The following SFMBT2 variants were observed in gnomAD, a reference collection of about 807,000 sequenced individuals.
SFMBT2 encodes the protein scm-like with four MBT domains protein 2.
In SFMBT2, 38 loss-of-function variants were observed where a neutral mutation model predicts 110.1. The observed-to-expected ratio is 0.35, with a 90% CI of 0.27 to 0.45. The LOEUF (loss-of-function observed/expected upper bound fraction) is 0.45. Among genes scored for constraint, SFMBT2 ranks in the 20% least tolerant of loss-of-function variants. The probability of loss-of-function intolerance (pLI) is 1.00; values close to 1 mark genes in which losing one functional copy is unlikely to be tolerated. For synonymous variants in SFMBT2, 425 were observed against 425.4 expected (o/e 1.00, Z 0.01); for missense variants, 1,011 against 1,094.9 (o/e 0.92, Z 1.08).
intron 4 of SFMBT2, among the ~76,000 whole-genome samples, chr10:7,343,441 T>C (rs536871873): frequency 5.9e-5 from 9 of 152,322 alleles, no homozygotes; most frequent in African/African-American, 2.2e-4. Context: ...TAGTTCTAAC[T>C]TAAGTGCTTT....
chr10:7,294,288 C>A lies in SFMBT2; in HGVS notation c.437-8334G>T, dbSNP rs529195905. Among the ~76,000 whole-genome samples the A allele has an allele frequency of 2.6e-5, 4 of 152,274 alleles. 1 individual carries two copies. In the South Asian group the frequency reaches 8.3e-4, roughly 32 times the overall value. On this transcript the variant is annotated intron_variant, in intron 4 of 20. Transcript: ENST00000397167. ...ATGGGATAAAAGGATGAGACGTAAA[C>A]CCTTGGTCCATGTACATCTCACCTT...
chr10:7,243,800 A>T, intron 8 of SFMBT2, 95 bp from the exon 9 acceptor site: 2 of 668,020 alleles, frequency 3.0e-6, no homozygotes, highest in Non-Finnish European at 5.1e-6. Context: ...AAGGCAATTA[A>T]TATAGTTCAT....
intron 7 of SFMBT2, among the ~76,000 whole-genome samples, chr10:7,251,965 C>T (rs535036755): frequency 6.6e-6 from 1 of 152,320 alleles, no homozygotes; most frequent in South Asian, 2.1e-4. Flanking sequence ...TTCTGGTCTA[C>T]CCGCCCTCTT....
chr10:7,291,471 T>G (rs1162110406), intron 4 of SFMBT2, among the ~76,000 whole-genome samples: 3 of 152,192 alleles, frequency 2.0e-5, no homozygotes, highest in Non-Finnish European at 2.9e-5. Flanking sequence ...CAAGATGACC[T>G]TTTCAAAACC....
At chr10:7,254,588 G>C (rs900276554) in intron 7 of SFMBT2, among the ~76,000 whole-genome samples, 1 of 152,134 alleles carries the variant, frequency 6.6e-6, no homozygotes, top group Non-Finnish European at 1.5e-5. Context: ...TTGGGAGGCT[G>C]AGACAGGCGG....
intron 4 of SFMBT2, among the ~76,000 whole-genome samples, chr10:7,317,348 C>T (rs751252190): frequency 6.6e-6 from 1 of 151,966 alleles, no homozygotes; most frequent in East Asian, 1.9e-4. Flanking sequence ...CAATTCCAAG[C>T]GAAGACATAT....
At chr10:7,335,141 G>C (rs1041983290) in intron 4 of SFMBT2, among the ~76,000 whole-genome samples, 8 of 152,080 alleles carry the variant, frequency 5.3e-5, no homozygotes, top group African/African-American at 1.9e-4. Context: ...CCCAGAGAAG[G>C]GGGTAAGGAC....
chr10:7,409,090 C>T (rs1448159691), intron 1 of SFMBT2, among the ~76,000 whole-genome samples: 1 of 146,836 alleles, frequency 6.8e-6, no homozygotes, highest in Non-Finnish European at 1.5e-5. Context: ...TCTGCCCCAC[C>T]CCACCACCAC....
intron 7 of SFMBT2, among the ~76,000 whole-genome samples, chr10:7,261,445 C>T (rs529708142): frequency 1.3e-5 from 2 of 152,302 alleles, no homozygotes; most frequent in Admixed American, 6.5e-5. Flanking sequence ...TCAGAATCTT[C>T]GGATGCTCAG....
chr10:7,186,647 A>G (rs189069397), intron 16 of SFMBT2, among the ~76,000 whole-genome samples: 57 of 152,148 alleles, frequency 3.7e-4, no homozygotes, highest in African/African-American at 1.4e-3. Context: ...CTCCTCTTGT[A>G]CGTTAATTTA....
chr10:7,200,267 T>C (rs1838909290), intron 14 of SFMBT2, 147 bp downstream of exon 14: 1 of 524,874 alleles, frequency 1.9e-6, no homozygotes. Flanking sequence ...TTTTAAAAAG[T>C]AGGTATCCGT....
intron 4 of SFMBT2, among the ~76,000 whole-genome samples, chr10:7,320,949 G>A (rs112018683): frequency 3.9e-5 from 6 of 152,060 alleles, no homozygotes; most frequent in Non-Finnish European, 7.4e-5. Context: ...TAAATAAATC[G>A]TCTAAAAAAA....
intron 4 of SFMBT2, among the ~76,000 whole-genome samples, chr10:7,316,760 A>T (rs1843025344): frequency 6.6e-6 from 1 of 152,132 alleles, no homozygotes; most frequent in Admixed American, 6.5e-5. Flanking sequence ...GCTCACTTCG[A>T]GGATTTCTCC....
At chr10:7,241,841 T>C (rs1406935137) in intron 9 of SFMBT2, among the ~76,000 whole-genome samples, 2 of 152,158 alleles carry the variant, frequency 1.3e-5, no homozygotes, top group East Asian at 1.9e-4. Flanking sequence ...CATAATGGAG[T>C]GATCAAGCAG....
chr10:7,256,747 C>T (rs1056385604), intron 7 of SFMBT2, among the ~76,000 whole-genome samples: 1 of 152,144 alleles, frequency 6.6e-6, no homozygotes, highest in African/African-American at 2.4e-5. Flanking sequence ...GCAAAGTCCA[C>T]ACCAACCCCA....
At chr10:7,404,209 C>T (rs909100823) in intron 1 of SFMBT2, among the ~76,000 whole-genome samples, 1 of 152,168 alleles carries the variant, frequency 6.6e-6, no homozygotes, top group Non-Finnish European at 1.5e-5. Context: ...ATCTCTAGAC[C>T]TACAATCCAA....
chr10:7,176,250 A>G, intron 16 of SFMBT2, 85 bp from the exon 17 acceptor site: 1 of 1,375,676 alleles, frequency 7.3e-7, no homozygotes, highest in Admixed American at 2.0e-5. Flanking sequence ...CGAAGGCAGC[A>G]ACTTCATTTT....
intron 4 of SFMBT2, among the ~76,000 whole-genome samples, chr10:7,342,934 A>G (rs1014213206): frequency 1.3e-5 from 2 of 152,226 alleles, no homozygotes; most frequent in East Asian, 1.9e-4. Context: ...GAGGAGATAC[A>G]TATGTGTCAG....
chr10:7,270,101 T>C (rs973338727), intron 7 of SFMBT2, among the ~76,000 whole-genome samples: 1 of 152,148 alleles, frequency 6.6e-6, no homozygotes, highest in African/African-American at 2.4e-5. Context: ...AAGACAAAGT[T>C]GGATGGGATT....
Sources: allele counts gnomAD v4.1 joint callset (sites outside exome capture counted in the v4.1 genomes callset), GRCh38; gene constraint gnomAD v4.1.1; transcripts MANE v1.5; gene names NCBI Gene and HGNC (gene_info 2026-07-23, HGNC 2026-07-21).